IQGAP2: variants seen among roughly 807,000 people sequenced by gnomAD.
IQGAP2 encodes the protein ras GTPase-activating-like protein IQGAP2.
A neutral mutation model predicts 201.3 loss-of-function variants in IQGAP2; 173 were observed. The observed-to-expected ratio is 0.86, with a 90% confidence interval of 0.76 to 0.98. IQGAP2 has a LOEUF of 0.98. Among genes scored for constraint, IQGAP2 ranks in the 50% least tolerant of loss-of-function variants. The pLI, the probability that IQGAP2 is intolerant of heterozygous loss-of-function variation, is 0.00. For missense variants in IQGAP2, 1,687 were observed against 1,864.8 expected (o/e 0.90, Z 1.76); for synonymous variants, 675 against 673.9 (o/e 1.00, Z -0.03).
rs1238611843 is a variant in IQGAP2 at position 76,600,959 on chromosome 5, G to A, written c.1219G>A (p.Ala407Thr). The A allele has an allele frequency of 3.1e-6, 5 of 1,613,808 alleles. No individual in the cohort carries two copies. The South Asian group carries it at 3.3e-5, about 11-fold the overall frequency. Residue 407 changes from alanine to threonine, a missense_variant, in exon 11 of 36, where the codon GCA becomes ACA. Transcript: ENST00000274364. ...PAIGLNNLDK[A>T]YVERYANTLL... Reference sequence around the variant, plus strand: ...AATAGGCTTAAACAATCTGGACAAGGCATATGTGGAACGGTAAGGAACATT... The same window carrying A: ...AATAGGCTTAAACAATCTGGACAAGACATATGTGGAACGGTAAGGAACATT...
rs558526357 is a variant in IQGAP2 at position 76,584,613 on chromosome 5, A to G, written c.459-4293A>G. On this transcript the variant is annotated intron_variant, in intron 5 of 35. Transcript: ENST00000274364. ...CCTAAAGCAGCAAGTGTAGATGCTG[A>G]TAGCGGGATAGCATGCCGGTACCCA... Among the ~76,000 whole-genome samples, 8 of 151,974 alleles carry G rather than the reference A, an allele frequency of 5.3e-5. No homozygotes were observed. The East Asian group carries it at 1.4e-3, about 26-fold the overall frequency.
intron 13 of IQGAP2, among the ~76,000 whole-genome samples, chr5:76,626,224 C>T (rs1272816889): frequency 6.6e-6 from 1 of 150,916 alleles, no homozygotes; most frequent in Non-Finnish European, 1.5e-5. Flanking sequence ...TATATATTGC[C>T]CTGATCACAT....
intron 14 of IQGAP2, among the ~76,000 whole-genome samples, chr5:76,629,815 C>G (rs1017227446): frequency 6.6e-6 from 1 of 152,094 alleles, no homozygotes; most frequent in Non-Finnish European, 1.5e-5. Context: ...TTTTTTGGAT[C>G]TCTTAGGAGA....
chr5:76,621,100 C>A (rs1749620730), intron 13 of IQGAP2, among the ~76,000 whole-genome samples: 1 of 152,130 alleles, frequency 6.6e-6, no homozygotes, highest in African/African-American at 2.4e-5. Flanking sequence ...ATGTCTTGTC[C>A]CATGGCCTCA....
Position 76,686,216 on chromosome 5 carries a change from A to T in IQGAP2, c.3905+2299A>T, listed in dbSNP as rs569526992. Among the ~76,000 whole-genome samples the T allele has an allele frequency of 2.6e-5, 4 of 151,152 alleles. No individual in the cohort carries two copies. In the South Asian group the frequency reaches 8.3e-4, roughly 31 times the overall value. ...TATATATTCTGGACACTGGACCATT[A>T]TCAGATATATGATTTGCAAATATTT... On this transcript the variant is annotated intron_variant, in intron 30 of 35. Coordinates refer to ENST00000274364, the MANE Select transcript of IQGAP2 (RefSeq NM_006633.5).
intron 2 of IQGAP2, among the ~76,000 whole-genome samples, chr5:76,485,191 G>C (rs13187591): frequency 0.25 from 38,134 of 152,052 alleles, 4,910 homozygotes; most frequent in Middle Eastern, 0.35. Context: ...GGCACAGAGG[G>C]AAGAGAGCTG....
At chr5:76,417,882 G>A (rs1424483159) in intron 1 of IQGAP2, among the ~76,000 whole-genome samples, 1 of 151,810 alleles carries the variant, frequency 6.6e-6, no homozygotes, top group Non-Finnish European at 1.5e-5. Context: ...GTGCCTGGCT[G>A]ATATGTGCTT....
chr5:76,604,846 G>T (rs1256551529), intron 11 of IQGAP2, among the ~76,000 whole-genome samples: 1 of 152,076 alleles, frequency 6.6e-6, no homozygotes, highest in Non-Finnish European at 1.5e-5. Context: ...TCCTATTTTT[G>T]AATGTTTTTC....
chr5:76,698,519 G>A (rs1409811996), intron 33 of IQGAP2, among the ~76,000 whole-genome samples: 1 of 152,046 alleles, frequency 6.6e-6, no homozygotes, highest in Non-Finnish European at 1.5e-5. Flanking sequence ...GATAATATTA[G>A]ATAATGCCAG....
intron 2 of IQGAP2, among the ~76,000 whole-genome samples, chr5:76,523,204 C>T (rs1272716959): frequency 6.6e-6 from 1 of 151,176 alleles, no homozygotes; most frequent in East Asian, 1.9e-4. Context: ...CCCAGTTCAG[C>T]CTCCCAAGTA....
At chr5:76,674,077 G>A (rs2150491209) in intron 26 of IQGAP2, 41 bp downstream of exon 26, 5 of 1,109,648 alleles carry the variant, frequency 4.5e-6, no homozygotes, top group Admixed American at 3.5e-5. Context: ...TTCTCCTGGG[G>A]GTATGAATCA....
At chr5:76,420,128 A>G (rs1260028665) in intron 1 of IQGAP2, among the ~76,000 whole-genome samples, 1 of 152,170 alleles carries the variant, frequency 6.6e-6, no homozygotes, top group East Asian at 1.9e-4. Context: ...CAGGGGCTAC[A>G]GTGTCCACCC....
chr5:76,651,734 G>GTT (rs535638195), intron 17 of IQGAP2, among the ~76,000 whole-genome samples: 1 of 147,654 alleles, frequency 6.8e-6, no homozygotes, highest in Non-Finnish European at 1.5e-5. Flanking sequence ...AAATTAAAAG[G>GTT]TTTTTTTTTT....
intron 1 of IQGAP2, among the ~76,000 whole-genome samples, chr5:76,408,164 A>G (rs1015639418): frequency 6.6e-6 from 1 of 152,102 alleles, no homozygotes; most frequent in African/African-American, 2.4e-5. Context: ...CTGTCTCAAA[A>G]AAAACAAAAC....
intron 2 of IQGAP2, among the ~76,000 whole-genome samples, chr5:76,470,176 T>G (rs4703707): frequency 0.29 from 44,660 of 152,060 alleles, 6,863 homozygotes; most frequent in East Asian, 0.53. Context: ...TTGGGCCTCT[T>G]ACACATGGAA....
At position 76,677,176 on chromosome 5, in the gene IQGAP2, A is replaced by T. The variant is rs372265874; in HGVS notation, c.3528-42A>T. On this transcript the variant is annotated intron_variant, in intron 27 of 35. Transcript: ENST00000274364. ...CTATTTTGATGAAACTGTTTAATGC[A>T]CATGTTTGAGTCTGTCTTAAGACTT... is the stretch of plus-strand genomic sequence containing the variant. The T allele has an allele frequency of 3.8e-6, 6 of 1,584,302 alleles. No homozygotes were observed. In the African/African-American group the frequency reaches 5.4e-5, roughly 14 times the overall value.
At chr5:76,653,909 C>T (rs902387537) in intron 18 of IQGAP2, among the ~76,000 whole-genome samples, 19 of 152,210 alleles carry the variant, frequency 1.2e-4, no homozygotes, top group Admixed American at 3.9e-4. Context: ...CTTTTATTTA[C>T]TGAGTTTAAG....
chr5:76,702,941 T>C (rs914156175), intron 35 of IQGAP2, among the ~76,000 whole-genome samples: 9 of 149,248 alleles, frequency 6.0e-5, no homozygotes, highest in Non-Finnish European at 4.4e-5. Flanking sequence ...AGACTATGTA[T>C]GCCCAGGACT....
At chr5:76,677,773 T>G (rs192618386) in intron 28 of IQGAP2, among the ~76,000 whole-genome samples, 2 of 152,038 alleles carry the variant, frequency 1.3e-5, no homozygotes, top group African/African-American at 4.8e-5. Flanking sequence ...TACTAAAAAT[T>G]TTTTAAAAAC....
Sources: allele counts gnomAD v4.1 joint callset (sites outside exome capture counted in the v4.1 genomes callset), GRCh38; gene constraint gnomAD v4.1.1; transcripts MANE v1.5; gene names NCBI Gene and HGNC (gene_info 2026-07-23, HGNC 2026-07-21).